The following NAV3 variants were observed in gnomAD, a reference collection of about 807,000 sequenced individuals.
NAV3 encodes neuron navigator 3, also known as pore membrane and/or filament interacting like protein 1.
Under a neutral mutation model 244.7 loss-of-function variants are expected in NAV3, and 87 were observed. That is an observed-to-expected ratio of 0.36 (90% CI 0.30 to 0.42). The LOEUF is 0.42. Ranked by LOEUF, NAV3 falls within the 20% of genes least tolerant of loss-of-function variation. The probability of loss-of-function intolerance (pLI) is 1.00; values close to 1 mark genes in which losing one functional copy is unlikely to be tolerated. For missense variants in NAV3, 2,663 were observed against 2,893.3 expected (o/e 0.92, Z 1.83); for synonymous variants, 1,126 against 1,042.2 (o/e 1.08, Z -1.55).
intron 2 of NAV3, among the ~76,000 whole-genome samples, chr12:77,744,903 G>A (rs1868457942): frequency 6.6e-6 from 1 of 151,592 alleles, no homozygotes; most frequent in Non-Finnish European, 1.5e-5. Context: ...AACTTTTTTT[G>A]AAGATGTAAA....
intron 12 of NAV3, chr12:78,091,849 TC>T (rs1182516101): frequency 1.3e-5 from 2 of 151,714 alleles, no homozygotes; most frequent in Non-Finnish European, 2.9e-5. Flanking sequence ...TTGTGCAATT[TC>T]TCCTTTTCTT....
intron 2 of NAV3, among the ~76,000 whole-genome samples, chr12:77,820,500 C>T (rs1391676667): frequency 6.6e-6 from 1 of 152,178 alleles, no homozygotes; most frequent in African/African-American, 2.4e-5. Context: ...GATTCAATCA[C>T]TTTCCAAAGG....
chr12:78,112,214 C>G (rs1262984837), intron 12 of NAV3, among the ~76,000 whole-genome samples: 2 of 152,178 alleles, frequency 1.3e-5, no homozygotes, highest in South Asian at 2.1e-4. Context: ...TCAAATGACT[C>G]TGCCACATTG....
At chr12:78,033,574 A>G (rs1484134978) in intron 9 of NAV3, among the ~76,000 whole-genome samples, 2 of 152,114 alleles carry the variant, frequency 1.3e-5, no homozygotes, top group African/African-American at 2.4e-5. Context: ...GGCGCTCTCC[A>G]GAGAAGGAAT....
At chr12:77,757,232 A>G (rs1313399526) in intron 2 of NAV3, among the ~76,000 whole-genome samples, 1 of 152,172 alleles carries the variant, frequency 6.6e-6, no homozygotes, top group East Asian at 1.9e-4. Context: ...GGGGAGGCAC[A>G]TGTTTCATGT....
At chr12:77,982,223 A>AT (rs1397018071) in intron 5 of NAV3, among the ~76,000 whole-genome samples, 1,111 of 63,802 alleles carry the variant, frequency 0.017, 35 homozygotes, top group South Asian at 0.029. Context: ...GGCTTAATGA[A>AT]AGATGATTTG....
chr12:77,669,269 G>T (rs1873854992), intron 2 of NAV3, among the ~76,000 whole-genome samples: 1 of 151,864 alleles, frequency 6.6e-6, no homozygotes, highest in Non-Finnish European at 1.5e-5. Context: ...ATCTCACAGG[G>T]CCTAAGTAAC....
intron 12 of NAV3, among the ~76,000 whole-genome samples, chr12:78,103,357 A>G (rs753590824): frequency 1.2e-4 from 19 of 152,168 alleles, no homozygotes; most frequent in Admixed American, 5.9e-4. Flanking sequence ...AGACAACCTC[A>G]GCCTGGTCCT....
rs2136599890 is a variant in NAV3, at chr12:78,007,372, G to A, written c.1834G>A (p.Gly612Ser). The A allele has an allele frequency of 6.2e-7, 1 of 1,614,120 alleles. No homozygotes were observed. Among genetic ancestry groups the A allele is most frequent in the African/African-American group, 1.3e-5 (1 of 75,032 alleles). ...AQSSGQSTGN[G>S]AVQLPQQQQH... ...AAGCAGTGGGCAGAGCACAGGAAAT[G>A]GTGCTGTCCAACTCCCTCAACAGCA... The change falls in exon 8 of 40, where the codon GGT becomes AGT. Residue 612 changes from glycine to serine, a missense_variant. Physicochemically the swap from Gly to Ser is moderately conservative, Grantham distance 56 (BLOSUM62 0). Coordinates refer to ENST00000397909, the MANE Select transcript of NAV3 (RefSeq NM_001024383.2).
At chr12:77,848,709 G>A (rs1877021628) in intron 1 of NAV3, among the ~76,000 whole-genome samples, 1 of 152,108 alleles carries the variant, frequency 6.6e-6, no homozygotes, top group African/African-American at 2.4e-5. Flanking sequence ...CATCCTGGCA[G>A]TGGCATACAG....
intron 9 of NAV3, among the ~76,000 whole-genome samples, chr12:78,022,721 G>A (rs1158162713): frequency 2.0e-5 from 3 of 152,050 alleles, no homozygotes; most frequent in Admixed American, 6.6e-5. Flanking sequence ...AAGCTCAAGC[G>A]ACTCTATCAC....
intron 12 of NAV3, among the ~76,000 whole-genome samples, chr12:78,082,561 C>G (rs1953413665): frequency 6.6e-6 from 1 of 151,938 alleles, no homozygotes; most frequent in South Asian, 2.1e-4. Context: ...TATTGTTAAA[C>G]AAAATCACTG....
rs180841918 is a variant in NAV3, at chr12:78,162,056, T to A, written c.4869+2770T>A. ...GACTGAGGAGAAAACTCTTTGGCAC[T>A]AAATTCAAGGACGAATTTATTGCCA... On this transcript the variant is annotated intron_variant, in intron 23 of 39. Transcript: ENST00000397909. Among the ~76,000 whole-genome samples the A allele has an allele frequency of 3.3e-3, 508 of 152,250 alleles. 1 individual carries two copies. The highest frequency in any genetic ancestry group is 0.011 in the African/African-American group (463 of 41,562).
chr12:78,063,979 G>T (rs1003415090), intron 12 of NAV3, among the ~76,000 whole-genome samples: 2 of 152,114 alleles, frequency 1.3e-5, no homozygotes, highest in African/African-American at 4.8e-5. Flanking sequence ...CAAGGCAAAA[G>T]CACATGCTAT....
At chr12:77,717,416 C>T (rs1232853790) in intron 2 of NAV3, among the ~76,000 whole-genome samples, 1 of 151,982 alleles carries the variant, frequency 6.6e-6, no homozygotes, top group African/African-American at 2.4e-5. Flanking sequence ...TCATGATGTC[C>T]TCAAGTTTCA....
chr12:78,036,852 A>T, intron 9 of NAV3: 1 of 675,792 alleles, frequency 1.5e-6, no homozygotes, highest in Non-Finnish European at 2.7e-6. Context: ...GGAAGGAGCC[A>T]CTGGAAGAAT....
At chr12:78,085,650 C>T (rs1199123629) in intron 12 of NAV3, among the ~76,000 whole-genome samples, 1 of 151,980 alleles carries the variant, frequency 6.6e-6, no homozygotes, top group Non-Finnish European at 1.5e-5. Flanking sequence ...CAGTAAGAAA[C>T]ATATTGCGTG....
chr12:78,103,481 G>T (rs537887607), intron 12 of NAV3, among the ~76,000 whole-genome samples: 1 of 152,232 alleles, frequency 6.6e-6, no homozygotes, highest in South Asian at 2.1e-4. Context: ...TCCAGCCTCT[G>T]CCTGATACAC....
At chr12:77,658,339 G>A (rs1873233090) in intron 2 of NAV3, among the ~76,000 whole-genome samples, 1 of 150,870 alleles carries the variant, frequency 6.6e-6, no homozygotes, top group African/African-American at 2.4e-5. Flanking sequence ...GCCAAATCAT[G>A]AGTGAACTCC....
Sources: gnomAD v4.1 joint callset for allele counts (sites outside exome capture counted in the v4.1 genomes callset) on GRCh38, gnomAD v4.1.1 for gene constraint, MANE v1.5 for transcripts, NCBI Gene and HGNC (gene_info 2026-07-23, HGNC 2026-07-21) for gene names.